The following RCOR1 variants were observed in gnomAD, a reference collection of about 807,000 sequenced individuals.
RCOR1 encodes the protein REST corepressor 1.
A neutral mutation model predicts 64.0 loss-of-function variants in RCOR1; 12 were observed. The ratio of observed to expected loss-of-function variants is 0.19; its 90% CI spans 0.12 to 0.30. The LOEUF is 0.30. Among genes scored for constraint, RCOR1 ranks in the 10% least tolerant of loss-of-function variants. The pLI is 1.00. For missense variants in RCOR1, 502 were observed against 621.2 expected, an observed-to-expected ratio of 0.81 and a Z score of 2.04; for synonymous variants, 279 against 227.2, an observed-to-expected ratio of 1.23 and a Z score of -2.05.
intron 3 of RCOR1, among the ~76,000 whole-genome samples, chr14:102,684,313 C>T (rs574433616): frequency 1.3e-5 from 2 of 152,260 alleles, no homozygotes; most frequent in South Asian, 2.1e-4. Context: ...TACTTTGTCA[C>T]GGAAGGGCTT....
intron 2 of RCOR1, among the ~76,000 whole-genome samples, chr14:102,602,388 T>C (rs1893420735): frequency 8.2e-6 from 1 of 121,672 alleles, no homozygotes; most frequent in Non-Finnish European, 1.6e-5. Context: ...TCTTTTCTTT[T>C]CTTTTCTTTT....
intron 2 of RCOR1, among the ~76,000 whole-genome samples, chr14:102,660,614 C>T (rs906298304): frequency 2.0e-5 from 3 of 152,150 alleles, no homozygotes; most frequent in Non-Finnish European, 4.4e-5. Flanking sequence ...AAGTGGTTCT[C>T]CCTACTTGGC....
intron 3 of RCOR1, 74 bp from the exon 4 acceptor site, chr14:102,701,204 A>G: frequency 2.5e-6 from 3 of 1,190,708 alleles, no homozygotes; most frequent in South Asian, 2.4e-5. Flanking sequence ...ATATACACGT[A>G]TATCAATTCT....
At chr14:102,638,691 G>A (rs893954816) in intron 2 of RCOR1, among the ~76,000 whole-genome samples, 9 of 151,486 alleles carry the variant, frequency 5.9e-5, no homozygotes, top group African/African-American at 2.2e-4. Context: ...TTCTTGAGAC[G>A]GAGTCTTGCT....
intron 2 of RCOR1, among the ~76,000 whole-genome samples, chr14:102,610,864 G>A (rs958719372): frequency 6.6e-6 from 1 of 152,046 alleles, no homozygotes; most frequent in Non-Finnish European, 1.5e-5. Context: ...CAAAAGCTTC[G>A]TTATTATTAA....
intron 2 of RCOR1, among the ~76,000 whole-genome samples, chr14:102,626,301 A>C (rs1371822422): frequency 6.6e-6 from 1 of 152,236 alleles, no homozygotes; most frequent in Admixed American, 6.5e-5. Flanking sequence ...GCATACAACA[A>C]AGCTTTTACT....
intron 3 of RCOR1, among the ~76,000 whole-genome samples, chr14:102,691,272 A>G (rs1895527176): frequency 7.4e-6 from 1 of 134,790 alleles, no homozygotes; most frequent in Admixed American, 7.5e-5. Context: ...GCACATGGCC[A>G]TAAAGATGGG....
chr14:102,689,042 C>T (rs1484092395), intron 3 of RCOR1, among the ~76,000 whole-genome samples: 4 of 152,330 alleles, frequency 2.6e-5, no homozygotes, highest in East Asian at 1.9e-4. Context: ...TGACAGTCCC[C>T]TCTTGTCACT....
chr14:102,650,842 CTT>C lies in RCOR1; in HGVS notation c.362-31052_362-31051del, dbSNP rs527999964. The C allele has an allele frequency of 4.5e-4, 104 of 232,516 alleles. 1 individual carries two copies. The highest frequency in any genetic ancestry group is 1.6e-4 in the South Asian group (1 of 6,274). The allele number at this position is 232,516 out of a possible 1,614,324, so 14.4% of individuals were successfully genotyped here. On this transcript the variant is annotated intron_variant, in intron 2 of 11. Transcript: ENST00000262241. ...CTTTACCAACTGAGTTAGGAACTGA[CTT>C]GAGATATTTTAAACTTACGGGACTT...
chr14:102,606,708 TGCATGCA>T (rs972427991), intron 2 of RCOR1, among the ~76,000 whole-genome samples: 68 of 147,700 alleles, frequency 4.6e-4, no homozygotes, highest in African/African-American at 1.6e-3. Context: ...CATGGCCCAC[TGCATGCA>T]GCCTTGACTT....
chr14:102,725,732 C>T (rs534258210), intron 11 of RCOR1, among the ~76,000 whole-genome samples: 7 of 152,094 alleles, frequency 4.6e-5, no homozygotes, highest in Admixed American at 6.5e-5. Context: ...TGCGCCACCA[C>T]GCACGGCCAA....
At position 102,690,035 on chromosome 14, in the gene RCOR1, G is replaced by A. The variant is rs1895499869; in HGVS notation, c.445+8057G>A. Among the ~76,000 whole-genome samples, 3 of 150,294 alleles carry A rather than the reference G, an allele frequency of 2.0e-5. No individual in the cohort carries two copies. In the South Asian group the frequency reaches 6.2e-4, roughly 31 times the overall value. On this transcript the variant is annotated intron_variant, in intron 3 of 11. Coordinates refer to ENST00000262241, the MANE Select transcript of RCOR1 (RefSeq NM_015156.4). Reference sequence around the variant, plus strand: ...TGGGATTACAGGCGTGAGTCACCGCGCCCGGCCTGATTTTTTTTTTAAGCT... The same window carrying A: ...TGGGATTACAGGCGTGAGTCACCGCACCCGGCCTGATTTTTTTTTTAAGCT...
rs1243173787 is a variant in RCOR1, at chr14:102,708,523, G to A, written c.719G>A (p.Arg240Lys). 10 of 1,612,716 alleles carry A rather than the reference G, an allele frequency of 6.2e-6. No homozygotes were observed. Among genetic ancestry groups the A allele is most frequent in the Non-Finnish European group, 8.5e-6 (10 of 1,178,888 alleles). Reference sequence around the variant, plus strand: ...TTTTACTATTCTTGGAAGAAGACGAGGACTAAAACTAGTGTGATGGATCGC... The same window carrying A: ...TTTTACTATTCTTGGAAGAAGACGAAGACTAAAACTAGTGTGATGGATCGC... ...VKFYYSWKKT[R>K]TKTSVMDRHA... The change falls in exon 6 of 12, where the codon AGG becomes AAG. Residue 240 changes from arginine to lysine, a missense_variant. Arg to Lys is a conservative substitution (Grantham distance 26, BLOSUM62 2). This residue lies in a region of RCOR1 where 260 missense variants were observed against 416.4 expected (regional missense o/e 0.62). Coordinates refer to ENST00000262241, the MANE Select transcript of RCOR1 (RefSeq NM_015156.4).
intron 2 of RCOR1, among the ~76,000 whole-genome samples, chr14:102,623,839 G>C (rs1893925017): frequency 6.6e-6 from 1 of 151,154 alleles, no homozygotes; most frequent in African/African-American, 2.4e-5. Flanking sequence ...GGCGGATCAT[G>C]AAGTCAGGAG....
chr14:102,659,281 AAAC>A (rs1894785152), intron 2 of RCOR1: 31 of 984,594 alleles, frequency 3.1e-5, no homozygotes, highest in Non-Finnish European at 3.5e-5. Context: ...TTCACTATCA[AAAC>A]AAATGTCTCA....
intron 2 of RCOR1, among the ~76,000 whole-genome samples, chr14:102,679,917 T>C (rs1282853465): frequency 6.6e-6 from 1 of 152,232 alleles, no homozygotes; most frequent in East Asian, 1.9e-4. Context: ...TGCCTTTCTT[T>C]ATGAATTGTA....
intron 2 of RCOR1, among the ~76,000 whole-genome samples, chr14:102,634,273 C>T (rs1378703984): frequency 6.6e-6 from 1 of 151,904 alleles, no homozygotes; most frequent in Admixed American, 6.6e-5. Context: ...TTTGGTTGGC[C>T]GAGGCAGGAG....
chr14:102,719,066 A>G (rs1305515850), intron 8 of RCOR1, among the ~76,000 whole-genome samples: 1 of 152,038 alleles, frequency 6.6e-6, no homozygotes, highest in Non-Finnish European at 1.5e-5. Flanking sequence ...GGCTGTGATT[A>G]CAGGTGTGAG....
chr14:102,618,781 G>A (rs1488220137), intron 2 of RCOR1, among the ~76,000 whole-genome samples: 3 of 152,182 alleles, frequency 2.0e-5, no homozygotes, highest in Non-Finnish European at 2.9e-5. Context: ...GGTGATAGAG[G>A]TATGCCTGGG....
Sources: gnomAD v4.1 joint callset for allele counts (sites outside exome capture counted in the v4.1 genomes callset) on GRCh38, gnomAD v4.1.1 for gene constraint, gnomAD v4.1.1 regional missense constraint, MANE v1.5 for transcripts, NCBI Gene and HGNC (gene_info 2026-07-23, HGNC 2026-07-21) for gene names.